Variants in TFR2 observed in about 807,000 individuals in gnomAD.
The protein encoded by TFR2 is transferrin receptor 2.
Under a neutral mutation model 91.9 loss-of-function variants are expected in TFR2, and 64 were observed. That is an observed-to-expected ratio of 0.70 (90% confidence interval 0.57 to 0.86). The LOEUF is 0.86. Among genes scored for constraint, TFR2 ranks in the 40% least tolerant of loss-of-function variants. The probability of loss-of-function intolerance (pLI) is 0.00; values close to 1 mark genes in which losing one functional copy is unlikely to be tolerated. For missense variants in TFR2, 950 were observed against 1,080.5 expected (o/e 0.88, Z 1.69); for synonymous variants, 454 against 459.6 (o/e 0.99, Z 0.15).
chr7:100,627,459 C>T lies in TFR2; in HGVS notation c.1800G>A (p.Lys600=). 2 of 1,604,360 alleles carry T rather than the reference C, an allele frequency of 1.2e-6. No homozygotes were observed. The highest frequency in any genetic ancestry group is 2.2e-5 in the East Asian group (1 of 44,450). Reference sequence around the variant, plus strand: ...TATGCAGGTTCTCATAAGTGTCCTCCTTTGTGTGCAGGAATGGGTAGGCCT... The same window carrying T: ...TATGCAGGTTCTCATAAGTGTCCTCTTTTGTGTGCAGGAATGGGTAGGCCT... ...DDQAYPFLHT[K]EDTYENLHKV... Residue 600 remains lysine, a synonymous_variant, in exon 16 of 18, where the codon AAG becomes AAA. Coordinates refer to ENST00000223051, the MANE Select transcript of TFR2 (RefSeq NM_003227.4).
intron 10 of TFR2, among the ~76,000 whole-genome samples, chr7:100,628,769 TTTTC>T (rs1208456112): frequency 1.3e-5 from 2 of 149,780 alleles, no homozygotes; most frequent in Non-Finnish European, 3.0e-5. Context: ...TTTTCTTTTC[TTTTC>T]TTTCTTTTTT....
intron 3 of TFR2, among the ~76,000 whole-genome samples, chr7:100,637,399 C>T (rs1803594638): frequency 2.3e-5 from 1 of 42,850 alleles, no homozygotes; most frequent in Non-Finnish European, 4.4e-5. Context: ...AACTCTGTCT[C>T]ACAAAAAAAA....
chr7:100,621,458 T>C (rs1004532234), intron 17 of TFR2, among the ~76,000 whole-genome samples: 12 of 152,188 alleles, frequency 7.9e-5, no homozygotes, highest in Non-Finnish European at 1.3e-4. Flanking sequence ...TTCTCCGTGT[T>C]GGCCAGGCTG....
rs1803681553 is a variant in TFR2, at chr7:100,640,789, A to G, written c.370T>C (p.Tyr124His). 6.2e-7 allele frequency: 1 copy of G among 1,614,142 alleles called. No individual in the cohort carries two copies. The highest frequency in any genetic ancestry group is 8.5e-7 in the Non-Finnish European group (1 of 1,180,014). ...TGGTGGAAATCCAGGTCAGGCTCAT[A>G]GTTGACATCCTCACTGACCACCAAC... ...SVLVVSEDVN[Y>H]EPDLDFHQGR... is the part of the protein sequence containing the mutation. Residue 124 changes from tyrosine to histidine, a missense_variant, in exon 3 of 18, where the codon TAT (tyrosine) becomes CAT (histidine). Tyr to His is a moderately conservative substitution (Grantham distance 83, BLOSUM62 2). Transcript: ENST00000223051.
At position 100,627,451 on chromosome 7, in the gene TFR2, G is replaced by A; in HGVS notation, c.1808C>T (p.Thr603Ile). Residue 603 changes from threonine (T) to isoleucine (I), a missense_variant, in exon 16 of 18, where the codon ACT becomes ATT. Coordinates refer to ENST00000223051, the MANE Select transcript of TFR2 (RefSeq NM_003227.4). The part of the protein sequence containing the change: ...AYPFLHTKED[T>I]YENLHKVLQG... ...CAGCACCTTATGCAGGTTCTCATAA[G>A]TGTCCTCCTTTGTGTGCAGGAATGG... 1 of 1,600,896 alleles carries A rather than the reference G, an allele frequency of 6.2e-7. No individual in the cohort carries two copies. Among genetic ancestry groups the A allele is most frequent in the Non-Finnish European group, 8.5e-7 (1 of 1,173,974 alleles).
Position 100,621,358 on chromosome 7 carries a change from A to C in TFR2, c.2137-232T>G, listed in dbSNP as rs1269394547. Among the ~76,000 whole-genome samples the C allele has an allele frequency of 5.3e-5, 8 of 152,046 alleles. 1 individual carries two copies. Among genetic ancestry groups the C allele is most frequent in the Non-Finnish European group, 8.8e-5 (6 of 67,998 alleles). The stretch of plus-strand genomic sequence containing the variant: ...AACCTCCGCCTTCAGCGTTCAAGCG[A>C]TTCTCCTGCCTCAGCCTCCAGAGTA... On this transcript the variant is annotated intron_variant, in intron 17 of 17. Transcript: ENST00000223051.
Position 100,627,775 on chromosome 7 carries a change from C to A in TFR2, c.1651G>T (p.Val551Leu). The change falls in exon 14 of 18, where the codon GTG (valine) becomes TTG (leucine). Residue 551 changes from valine to leucine, a missense_variant. Coordinates refer to ENST00000223051, the MANE Select transcript of TFR2 (RefSeq NM_003227.4). ...HSGQTLYEQV[V>L]FTNPSWDAEV... is the part of the protein sequence containing the mutation. Reference sequence around the variant, plus strand: ...GCATCCCAGCTGGGATTGGTGAACACCACCTGTTCATAGAGAGTCTGCCCA... The same window carrying A: ...GCATCCCAGCTGGGATTGGTGAACAACACCTGTTCATAGAGAGTCTGCCCA... 1 of 1,614,028 alleles carries A rather than the reference C, an allele frequency of 6.2e-7. No homozygotes were observed. The highest frequency in any genetic ancestry group is 8.5e-7 in the Non-Finnish European group (1 of 1,180,004).
At chr7:100,632,242 C>G (rs946353794) in intron 6 of TFR2, 44 bp from the exon 7 acceptor site, 26 of 1,569,236 alleles carry the variant, frequency 1.7e-5, no homozygotes, top group Non-Finnish European at 2.2e-5. Context: ...GAAAAAAACC[C>G]GATTCATAAG....
intron 3 of TFR2, among the ~76,000 whole-genome samples, chr7:100,638,549 A>G (rs1803623805): frequency 6.6e-6 from 1 of 151,626 alleles, no homozygotes; most frequent in Non-Finnish European, 1.5e-5. Context: ...CAGGAGTTTG[A>G]GACCAGTCTG....
rs945399761 is a variant in TFR2 at position 100,630,997 on chromosome 7, G to A, written c.1162C>T (p.Pro388Ser). 6.3e-7 allele frequency: 1 copy of A among 1,584,458 alleles called. No individual in the cohort carries two copies. Among genetic ancestry groups the A allele is most frequent in the African/African-American group, 1.3e-5 (1 of 74,490 alleles). ...QEWQGSLLGS[P>S]YHLGPGPRLR... ...CGTGGCCCGGGGCCCAGGTGATAAG[G>A]GGAGCCTAGGAGGCTCCCCTGCCAT... Residue 388 changes from proline (P) to serine (S), a missense_variant, in exon 9 of 18, where the codon CCT becomes TCT. Coordinates refer to ENST00000223051, the MANE Select transcript of TFR2 (RefSeq NM_003227.4).
rs1421153041 is a variant in TFR2, at chr7:100,631,055, G to A, written c.1107-3C>T. On this transcript the variant is annotated splice_polypyrimidine_tract_variant and splice_region_variant and intron_variant, in intron 8 of 17. Transcript: ENST00000223051. Reference sequence around the variant, plus strand: ...GGGCCACAGGGCCTTTGAGCTTCCTGGAGAGGAGGAAGGCAGAAAGGGGGA... The same window carrying A: ...GGGCCACAGGGCCTTTGAGCTTCCTAGAGAGGAGGAAGGCAGAAAGGGGGA... 1 of 1,564,076 alleles carries A rather than the reference G, an allele frequency of 6.4e-7. No individual in the cohort carries two copies. The highest frequency in any genetic ancestry group is 2.1e-5 in the Admixed American group (1 of 48,490).
intron 17 of TFR2, 166 bp downstream of exon 17, chr7:100,626,597 C>T (rs1157295799): frequency 2.1e-6 from 3 of 1,437,566 alleles, no homozygotes; most frequent in South Asian, 1.5e-5. Context: ...CCAGCCTGAC[C>T]GATCTATGAG....
In TFR2 at chr7:100,641,138, C is replaced by T. The variant is rs1803690970; in HGVS notation, c.124G>A (p.Glu42Lys). ...TGGGCCAATGTCTCCGCCCCCTCCTCCCCGTCTTCCTCTTCCTCCTCCAGG... is the reference window on the plus strand; with the variant it reads ...TGGGCCAATGTCTCCGCCCCCTCCTTCCCGTCTTCCTCTTCCTCCTCCAGG... Reference protein sequence around the residue: ...GHLEEEEEDGEEGAETLAHFC... With the variant: ...GHLEEEEEDGKEGAETLAHFC... Residue 42 changes from glutamate to lysine, a missense_variant, in exon 2 of 18, where the codon GAG (glutamate) becomes AAG (lysine). Glu to Lys is a moderately conservative substitution (Grantham distance 56). Transcript: ENST00000223051. The T allele has an allele frequency of 1.3e-6, 2 of 1,552,764 alleles. No individual in the cohort carries two copies. Among genetic ancestry groups the T allele is most frequent in the Non-Finnish European group, 8.7e-7 (1 of 1,149,232 alleles).
At position 100,631,015 on chromosome 7, in the gene TFR2, C is replaced by T. The variant is rs1337342831; in HGVS notation, c.1144G>A (p.Gly382Arg). The change falls in exon 9 of 18, where the codon GGG becomes AGG. Residue 382 changes from glycine (G) to arginine (R), a missense_variant. By Grantham distance (125) the Gly-to-Arg change is moderately radical. Coordinates refer to ENST00000223051, the MANE Select transcript of TFR2 (RefSeq NM_003227.4). The part of the protein sequence containing the change: ...KGPVAPQEWQ[G>R]SLLGSPYHLG... ...TGATAAGGGGAGCCTAGGAGGCTCC[C>T]CTGCCATTCTTGGGGGGCCACAGGG... 1.3e-6 allele frequency: 2 copies of T among 1,595,814 alleles called. No homozygotes were observed. The highest frequency in any genetic ancestry group is 1.7e-6 in the Non-Finnish European group (2 of 1,172,836).
chr7:100,633,607 G>T, intron 3 of TFR2, 51 bp from the exon 4 acceptor site: 2 of 1,563,996 alleles, frequency 1.3e-6, no homozygotes, highest in East Asian at 2.3e-5. Flanking sequence ...GAGAGGGAGG[G>T]AAGAGGGAAG....
chr7:100,623,377 A>G (rs1803161717), intron 17 of TFR2, among the ~76,000 whole-genome samples: 2 of 152,200 alleles, frequency 1.3e-5, no homozygotes, highest in African/African-American at 4.8e-5. Context: ...AAATCTGTCA[A>G]TTTCTCCTTC....
At chr7:100,632,317 G>A in intron 6 of TFR2, 119 bp from the exon 7 acceptor site, 1 of 952,268 alleles carries the variant, frequency 1.1e-6, no homozygotes, top group Non-Finnish European at 1.7e-6. Flanking sequence ...GAGAGGATGT[G>A]GGGGCACTAC....
Position 100,626,743 on chromosome 7 carries a change from C to A in TFR2, c.2136+20G>T, listed in dbSNP as rs745921869. On this transcript the variant is annotated intron_variant, in intron 17 of 17. Coordinates refer to ENST00000223051, the MANE Select transcript of TFR2 (RefSeq NM_003227.4). ...GAGGGGCGGGACACTGGGGGCGGGG[C>A]GAGGAGGGCGGGGCCTCACCCGCAT... 4 of 1,534,684 alleles carry A rather than the reference C, an allele frequency of 2.6e-6. No homozygotes were observed. The African/African-American group carries it at 5.5e-5, about 21-fold the overall frequency.
chr7:100,621,659 C>T, intron 17 of TFR2, among the ~76,000 whole-genome samples: 1 of 152,190 alleles, frequency 6.6e-6, no homozygotes. Context: ...ATCTATCGCC[C>T]TGCTGTTCCC....
Sources: allele counts gnomAD v4.1 joint callset (sites outside exome capture counted in the v4.1 genomes callset), GRCh38; gene constraint gnomAD v4.1.1; transcripts MANE v1.5; gene names NCBI Gene and HGNC (gene_info 2026-07-23, HGNC 2026-07-21).